The following TGM3 variants were observed in gnomAD, a reference collection of about 807,000 sequenced individuals.
TGM3 encodes the protein protein-glutamine gamma-glutamyltransferase E.
Under a neutral mutation model 73.8 loss-of-function variants are expected in TGM3, and 52 were observed. The observed-to-expected ratio is 0.70, with a 90% CI of 0.56 to 0.89. The LOEUF (loss-of-function observed/expected upper bound fraction) is 0.89. Among genes scored for constraint, TGM3 ranks in the 40% least tolerant of loss-of-function variants. The pLI, the probability that TGM3 is intolerant of heterozygous loss-of-function variation, is 0.00. For missense variants in TGM3, 928 were observed against 909.9 expected, an observed-to-expected ratio of 1.02 and a Z score of -0.26; for synonymous variants, 372 against 354.9, an observed-to-expected ratio of 1.05 and a Z score of -0.54.
rs765787377 is a variant in TGM3, at chr20:2,317,165, TC to T, written c.769del (p.Leu257SerfsTer37). On this transcript the variant is annotated frameshift_variant, in exon 6 of 13. Coordinates refer to ENST00000381458, the MANE Select transcript of TGM3 (RefSeq NM_003245.4). LOFTEE classifies it high-confidence loss of function. Reference sequence around the variant, plus strand: ...AGGAGCTGGAACGGCAGCGTGGAGATCCTCAAAAATTGGAAAAAATCTGGCT... The same window carrying T: ...AGGAGCTGGAACGGCAGCGTGGAGATCTCAAAAATTGGAAAAAATCTGGCT... Reference protein sequence around the residue: ...DPRSWNGSVEILKNWKKSGFS... With the variant: ...DPRSWNGSVEXLKNWKKSGFS... 3 of 1,613,966 alleles carry T rather than the reference TC, an allele frequency of 1.9e-6. No homozygotes were observed. In the South Asian group the frequency reaches 3.3e-5, roughly 18 times the overall value.
intron 1 of TGM3, among the ~76,000 whole-genome samples, chr20:2,305,410 C>T (rs183056502): frequency 1.2e-4 from 18 of 152,324 alleles, no homozygotes; most frequent in African/African-American, 4.1e-4. Context: ...AGATCAAATA[C>T]GTGTTTCTCA....
At chr20:2,327,793 G>A (rs751775567) in intron 8 of TGM3, among the ~76,000 whole-genome samples, 1 of 152,192 alleles carries the variant, frequency 6.6e-6, no homozygotes, top group African/African-American at 2.4e-5. Context: ...ACTTGCAGAG[G>A]TAGAAAAGAG....
chr20:2,305,887 T>A (rs2084174251), intron 1 of TGM3, among the ~76,000 whole-genome samples: 1 of 152,228 alleles, frequency 6.6e-6, no homozygotes, highest in African/African-American at 2.4e-5. Context: ...ACGTAAACAC[T>A]TTGAAAGATG....
At position 2,334,491 on chromosome 20, in the gene TGM3, TG is replaced by T. The variant is rs1162310810; in HGVS notation, c.1643-624del. On this transcript the variant is annotated intron_variant, in intron 10 of 12. Transcript: ENST00000381458. This position sits in a 1 kb window ranked among gnomAD's most constrained non-coding sequence, Gnocchi z 4.0. ...CAGACCAGAGGAATGAAGGGGATGC[TG>T]TGGCAGTAGAACCCCAGGCTATTAG... Among the ~76,000 whole-genome samples, 2 of 152,226 alleles carry T rather than the reference TG, an allele frequency of 1.3e-5. No homozygotes were observed. Among genetic ancestry groups the T allele is most frequent in the Admixed American group, 1.3e-4 (2 of 15,286 alleles).
intron 2 of TGM3, 119 bp downstream of exon 2, chr20:2,309,949 C>A: frequency 6.9e-7 from 1 of 1,454,276 alleles, no homozygotes; most frequent in Non-Finnish European, 9.4e-7. Context: ...CTTGCTCTGT[C>A]ATTGATTCAG....
chr20:2,319,360 C>T (rs1326209371), intron 7 of TGM3, among the ~76,000 whole-genome samples: 6 of 152,036 alleles, frequency 3.9e-5, no homozygotes, highest in Non-Finnish European at 5.9e-5. Flanking sequence ...TTAGGAGGCA[C>T]GGGGTGGGGA....
chr20:2,300,924 A>G (rs145526303), intron 1 of TGM3, among the ~76,000 whole-genome samples: 16 of 152,198 alleles, frequency 1.1e-4, no homozygotes, highest in East Asian at 3.9e-4. Context: ...GTTGAATCCC[A>G]ACAATAACCC....
At chr20:2,326,282 A>G (rs1013177516) in intron 8 of TGM3, among the ~76,000 whole-genome samples, 6 of 152,180 alleles carry the variant, frequency 3.9e-5, no homozygotes, top group African/African-American at 1.4e-4. Context: ...CAGAAAATTC[A>G]TGGTTCCCTG....
At chr20:2,314,011 CAA>C (rs68181745) in intron 5 of TGM3, among the ~76,000 whole-genome samples, 3 of 151,694 alleles carry the variant, frequency 2.0e-5, no homozygotes, top group Non-Finnish European at 4.4e-5. Context: ...ACAACAACAA[CAA>C]AAAAAAATTA....
At chr20:2,333,050 T>G (rs2084329717) in intron 10 of TGM3, among the ~76,000 whole-genome samples, 1 of 152,224 alleles carries the variant, frequency 6.6e-6, no homozygotes, top group Admixed American at 6.5e-5. Context: ...AGATAAAGGT[T>G]GTGCTGTGGA....
chr20:2,301,622 A>G (rs896845372), intron 1 of TGM3, among the ~76,000 whole-genome samples: 1 of 151,810 alleles, frequency 6.6e-6, no homozygotes, highest in African/African-American at 2.4e-5. Context: ...TTCCAGATCC[A>G]TGTATGTAAA....
chr20:2,299,218 C>T (rs2084128593), intron 1 of TGM3, among the ~76,000 whole-genome samples: 1 of 152,064 alleles, frequency 6.6e-6, no homozygotes, highest in Admixed American at 6.5e-5. Context: ...TTACGATTAC[C>T]TGGAAATTTT....
rs1568631081 is a variant in TGM3, at chr20:2,328,213, A to G, written c.1181A>G (p.Asn394Ser). 1 of 1,614,024 alleles carries G rather than the reference A, an allele frequency of 6.2e-7. No homozygotes were observed. Among genetic ancestry groups the G allele is most frequent in the Non-Finnish European group, 8.5e-7 (1 of 1,180,036 alleles). ...ATGCCCTTTATCTTCGCGGAGGTTA[A>G]TGCCGACCGCATCACCTGGCTGTAC... is the stretch of plus-strand genomic sequence containing the variant. The part of the protein sequence containing the change: ...FDMPFIFAEV[N>S]ADRITWLYDN... Residue 394 changes from asparagine to serine, a missense_variant, in exon 9 of 13, where the codon AAT becomes AGT. Physicochemically the swap from Asn to Ser is conservative, Grantham distance 46. Transcript: ENST00000381458. The surrounding 1 kb of genome is among the most constrained non-coding windows in gnomAD (Gnocchi z 5.2).
intron 1 of TGM3, among the ~76,000 whole-genome samples, chr20:2,307,104 G>A (rs1447344515): frequency 6.6e-6 from 1 of 152,070 alleles, no homozygotes; most frequent in Non-Finnish European, 1.5e-5. Context: ...CCCTGAATTT[G>A]TGCAAAAACC....
rs745546754 is a variant in TGM3 at position 2,312,542 on chromosome 20, C to T, written c.541-356C>T. Among the ~76,000 whole-genome samples the T allele has an allele frequency of 5.3e-5, 8 of 152,214 alleles. No individual in the cohort carries two copies. The East Asian group carries it at 5.8e-4, about 11-fold the overall frequency. On this transcript the variant is annotated intron_variant, in intron 4 of 12. Coordinates refer to ENST00000381458, the MANE Select transcript of TGM3 (RefSeq NM_003245.4). ...TTGAGGTTTGTGGCAGCCGGGGCGTCGGCTAGACCAAGCCACCTCCCATGC... is the reference window on the plus strand; with the variant it reads ...TTGAGGTTTGTGGCAGCCGGGGCGTTGGCTAGACCAAGCCACCTCCCATGC...
rs771723670 is a variant in TGM3, at chr20:2,317,139, A to G, written c.741A>G (p.Pro247=). Residue 247 remains proline, a synonymous_variant, in exon 6 of 13, where the codon CCA becomes CCG. Coordinates refer to ENST00000381458, the MANE Select transcript of TGM3 (RefSeq NM_003245.4). ...GCACTTACACCGGTGGCCGGGACCCAAGGAGCTGGAACGGCAGCGTGGAGA... is the reference window on the plus strand; with the variant it reads ...GCACTTACACCGGTGGCCGGGACCCGAGGAGCTGGAACGGCAGCGTGGAGA... The part of the protein sequence containing the change: ...WSGTYTGGRD[P]RSWNGSVEIL... The G allele has an allele frequency of 6.2e-6, 10 of 1,613,944 alleles. No individual in the cohort carries two copies. The highest frequency in any genetic ancestry group is 2.2e-5 in the East Asian group (1 of 44,892).
intron 1 of TGM3, among the ~76,000 whole-genome samples, chr20:2,307,211 C>T (rs769062304): frequency 6.6e-6 from 1 of 152,138 alleles, no homozygotes. Flanking sequence ...AGTAAGCTCA[C>T]CTCTTGAGTC....
chr20:2,328,377 G>A lies in TGM3; in HGVS notation c.1333+12G>A. 2 of 1,613,524 alleles carry A rather than the reference G, an allele frequency of 1.2e-6. No individual in the cohort carries two copies. The highest frequency in any genetic ancestry group is 8.5e-7 in the Non-Finnish European group (1 of 1,179,652). On this transcript the variant is annotated intron_variant, in intron 9 of 12. Transcript: ENST00000381458. The surrounding 1 kb of genome is among the most constrained non-coding windows in gnomAD (Gnocchi z 5.2). ...CAAGTACCCAGAAGGTAGGAGGGAC[G>A]CTGGCGGGGCAGTGCCGCGAGAGGT...
Position 2,328,357 on chromosome 20 carries a change from A to T in TGM3, c.1325A>T (p.Tyr442Phe), listed in dbSNP as rs141010304. ...ATGGACGTCACGGACAAGTACAAGTACCCAGAAGGTAGGAGGGACGCTGGC... is the reference window on the plus strand; with the variant it reads ...ATGGACGTCACGGACAAGTACAAGTTCCCAGAAGGTAGGAGGGACGCTGGC... Reference protein sequence around the residue: ...ARMDVTDKYKYPEGSDQERQV... With the variant: ...ARMDVTDKYKFPEGSDQERQV... Residue 442 changes from tyrosine to phenylalanine, a missense_variant, in exon 9 of 13, where the codon TAC becomes TTC. Tyr to Phe is a conservative substitution (Grantham distance 22). Coordinates refer to ENST00000381458, the MANE Select transcript of TGM3 (RefSeq NM_003245.4). This position sits in a 1 kb window ranked among gnomAD's most constrained non-coding sequence, Gnocchi z 5.2. 5.1e-5 allele frequency: 83 copies of T among 1,614,004 alleles called. No individual in the cohort carries two copies. Among genetic ancestry groups the T allele is most frequent in the Non-Finnish European group, 6.4e-5 (75 of 1,180,016 alleles).
Sources: gnomAD v4.1 joint callset for allele counts (sites outside exome capture counted in the v4.1 genomes callset) on GRCh38, gnomAD v4.1.1 for gene constraint, Gnocchi (gnomAD v3.1) non-coding constraint, MANE v1.5 for transcripts, NCBI Gene and HGNC (gene_info 2026-07-23, HGNC 2026-07-21) for gene names.